Variants in KIF24 observed in about 807,000 individuals in gnomAD.
KIF24 encodes kinesin-like protein KIF24.
Under a neutral mutation model 118.9 loss-of-function variants are expected in KIF24, and 81 were observed. The observed-to-expected ratio is 0.68, with a 90% CI of 0.57 to 0.82. The LOEUF (loss-of-function observed/expected upper bound fraction) is 0.82, where lower values mean the gene tolerates loss of function less well. Ranked by LOEUF, KIF24 falls within the 40% of genes least tolerant of loss-of-function variation. KIF24 has a pLI of 0.00. For synonymous variants in KIF24, 599 were observed against 610.0 expected, an observed-to-expected ratio of 0.98 and a Z score of 0.27; for missense variants, 1,560 against 1,661.6, an observed-to-expected ratio of 0.94 and a Z score of 1.06.
At chr9:34,323,560 G>A (rs1837585416) in intron 1 of KIF24, among the ~76,000 whole-genome samples, 1 of 152,146 alleles carries the variant, frequency 6.6e-6, no homozygotes, top group Non-Finnish European at 1.5e-5. Flanking sequence ...CAGACTGCAG[G>A]ACGTTGTCAT....
intron 10 of KIF24, among the ~76,000 whole-genome samples, chr9:34,258,665 G>A (rs75723720): frequency 0.031 from 4,676 of 152,174 alleles, 239 homozygotes; most frequent in African/African-American, 0.11. Flanking sequence ...TCAGGAGTTC[G>A]TGTCCACCAC....
rs1002535978 is a variant in KIF24, at chr9:34,329,122, C to A, written c.-42G>T. On this transcript the variant is annotated 5_prime_UTR_variant, in exon 1 of 13. Coordinates refer to ENST00000402558, the MANE Select transcript of KIF24 (RefSeq NM_194313.4). ...CTTTCTCACCTCGGTCCAAACTCCT[C>A]GGTCTGCCCTGTCTGAGAAGAGGAG... Among the ~76,000 whole-genome samples, 5 of 152,242 alleles carry A rather than the reference C, an allele frequency of 3.3e-5. No homozygotes were observed. Among genetic ancestry groups the A allele is most frequent in the Admixed American group, 6.5e-5 (1 of 15,292 alleles).
chr9:34,311,089 T>C lies in KIF24; in HGVS notation c.258A>G (p.Lys86=), dbSNP rs777822775. The C allele has an allele frequency of 1.2e-6, 2 of 1,613,822 alleles. No homozygotes were observed. Among genetic ancestry groups the C allele is most frequent in the Non-Finnish European group, 1.7e-6 (2 of 1,179,758 alleles). ...GAGGGCCAGATCTTAATTCCTGAGA[T>C]TTGATGCGCAGGCTGCTTGTCTGAA... ...RHLQTSSLRI[K]SQELRSGPRR... is the part of the protein sequence containing the mutation. Residue 86 remains lysine, a synonymous_variant, in exon 2 of 13, where the codon AAA becomes AAG. Coordinates refer to ENST00000402558, the MANE Select transcript of KIF24 (RefSeq NM_194313.4).
Position 34,288,073 on chromosome 9 carries a change from C to A in KIF24, c.1128-1369G>T, listed in dbSNP as rs546725968. Among the ~76,000 whole-genome samples, 3 of 152,254 alleles carry A rather than the reference C, an allele frequency of 2.0e-5. No homozygotes were observed. In the East Asian group the frequency reaches 5.8e-4, roughly 29 times the overall value. ...GCAAGGTATAAAAACAATTTATCCT[C>A]TACTTCTAGGAATTAATTTCAAGAT... On this transcript the variant is annotated intron_variant, in intron 5 of 12. Transcript: ENST00000402558.
rs932194533 is a variant in KIF24 at position 34,264,059 on chromosome 9, G to T, written c.1444-887C>A. On this transcript the variant is annotated intron_variant, in intron 8 of 12. Transcript: ENST00000402558. ...CATCAGAAACAGTGGTGGGGGTCGT[G>T]GGGGGCAAGATGAGGGAGGAGAGAC... is the stretch of plus-strand genomic sequence containing the variant. Among the ~76,000 whole-genome samples, 6 of 151,992 alleles carry T rather than the reference G, an allele frequency of 3.9e-5. No homozygotes were observed. In the East Asian group the frequency reaches 5.8e-4, roughly 15 times the overall value.
At chr9:34,276,024 A>G (rs1344598931) in intron 6 of KIF24, among the ~76,000 whole-genome samples, 1 of 152,182 alleles carries the variant, frequency 6.6e-6, no homozygotes, top group Admixed American at 6.5e-5. Context: ...CAAATTCCAC[A>G]TCCAGTACAT....
chr9:34,271,793 G>C lies in KIF24; in HGVS notation c.1337+16C>G, dbSNP rs1835519037. The C allele has an allele frequency of 6.2e-7, 1 of 1,612,008 alleles. No individual in the cohort carries two copies. ...GGAAAGGCAGACAATGTAACTCCCTGATATTTCCAGCTCACCTGCCAAATG... is the reference window on the plus strand; with the variant it reads ...GGAAAGGCAGACAATGTAACTCCCTCATATTTCCAGCTCACCTGCCAAATG... On this transcript the variant is annotated intron_variant, in intron 7 of 12. Coordinates refer to ENST00000402558, the MANE Select transcript of KIF24 (RefSeq NM_194313.4).
intron 4 of KIF24, among the ~76,000 whole-genome samples, chr9:34,295,041 C>A (rs1211279275): frequency 6.6e-6 from 1 of 152,152 alleles, no homozygotes; most frequent in Non-Finnish European, 1.5e-5. Flanking sequence ...TTTGAAAAAA[C>A]AGTCAAAATT....
At chr9:34,328,098 G>C (rs541721747) in intron 1 of KIF24, among the ~76,000 whole-genome samples, 1 of 152,250 alleles carries the variant, frequency 6.6e-6, no homozygotes, top group South Asian at 2.1e-4. Context: ...CAACAATCAG[G>C]CTGTGAATAT....
At chr9:34,312,633 T>C (rs1285878517) in intron 1 of KIF24, among the ~76,000 whole-genome samples, 1 of 152,210 alleles carries the variant, frequency 6.6e-6, no homozygotes, top group Non-Finnish European at 1.5e-5. Context: ...GGGGAAATAC[T>C]ACTTAGGCTA....
chr9:34,313,438 T>C lies in KIF24; in HGVS notation c.-25-2067A>G, dbSNP rs1837232100. On this transcript the variant is annotated intron_variant, in intron 1 of 12. Transcript: ENST00000402558. Reference sequence around the variant, plus strand: ...CACAGCAGTAGATAACTGCAATATCTCTCTTTAAATAATAATAATTTTTTA... The same window carrying C: ...CACAGCAGTAGATAACTGCAATATCCCTCTTTAAATAATAATAATTTTTTA... Among the ~76,000 whole-genome samples, 3 of 151,976 alleles carry C rather than the reference T, an allele frequency of 2.0e-5. No individual in the cohort carries two copies. The South Asian group carries it at 6.2e-4, about 32-fold the overall frequency.
chr9:34,326,509 T>C (rs917295718), intron 1 of KIF24, among the ~76,000 whole-genome samples: 4 of 152,162 alleles, frequency 2.6e-5, no homozygotes, highest in African/African-American at 7.2e-5. Flanking sequence ...TTACTTTACA[T>C]TGGATGATCA....
intron 3 of KIF24, among the ~76,000 whole-genome samples, chr9:34,299,821 T>C (rs1031838065): frequency 6.6e-5 from 4 of 60,728 alleles, no homozygotes; most frequent in Middle Eastern, 9.8e-3. Flanking sequence ...TGTGTGTGTG[T>C]GCGTGTGTGT....
At position 34,257,934 on chromosome 9, in the gene KIF24, C is replaced by T; in HGVS notation, c.1673G>A (p.Ser558Asn). 2.5e-6 allele frequency: 4 copies of T among 1,613,836 alleles called. No homozygotes were observed. Among genetic ancestry groups the T allele is most frequent in the Non-Finnish European group, 3.4e-6 (4 of 1,179,806 alleles). Residue 558 changes from serine (S) to asparagine (N), a missense_variant, in exon 11 of 13, where the codon AGT (serine) becomes AAT (asparagine). Ser to Asn is a conservative substitution (Grantham distance 46). Around this residue, in one of 3 missense-constraint regions of KIF24, gnomAD observed 964 missense variants for 988.0 expected, o/e 0.98. Coordinates refer to ENST00000402558, the MANE Select transcript of KIF24 (RefSeq NM_194313.4). Reference protein sequence around the residue: ...KGIKCCTSVTSRNRTSGNSSP... With the variant: ...KGIKCCTSVTNRNRTSGNSSP... ...GGAGTTTCCAGATGTCCGATTTCGACTGGTAACTGAAGTGCAACACTTAAT... is the reference window on the plus strand; with the variant it reads ...GGAGTTTCCAGATGTCCGATTTCGATTGGTAACTGAAGTGCAACACTTAAT...
chr9:34,333,267 A>G (rs1837997305), upstream of KIF24, among the ~76,000 whole-genome samples: 1 of 152,080 alleles, frequency 6.6e-6, no homozygotes, highest in Non-Finnish European at 1.5e-5. Context: ...CCCCCCAACT[A>G]AAACCTTTTT....
chr9:34,319,970 TACCTTCTC>T (rs937021129), intron 1 of KIF24, among the ~76,000 whole-genome samples: 2 of 152,168 alleles, frequency 1.3e-5, no homozygotes, highest in Non-Finnish European at 2.9e-5. Flanking sequence ...TATAGCCAAG[TACCTTCTC>T]ACCTGTGAGA....
chr9:34,256,390 G>C lies in KIF24; in HGVS notation c.3217C>G (p.Gln1073Glu), dbSNP rs1834842456. 1.2e-6 allele frequency: 2 copies of C among 1,613,924 alleles called. No homozygotes were observed. The highest frequency in any genetic ancestry group is 2.7e-5 in the African/African-American group (2 of 75,054). Residue 1073 changes from glutamine (Q) to glutamate (E), a missense_variant, in exon 11 of 13, where the codon CAG becomes GAG. Physicochemically the swap from Gln to Glu is conservative, Grantham distance 29. Coordinates refer to ENST00000402558, the MANE Select transcript of KIF24 (RefSeq NM_194313.4). ...EGSPPSEQLV[Q>E]DGATHSLVAE... ...ACTAGACTGTGCGTAGCCCCATCCT[G>C]GACCAGCTGCTCCGAGGGAGGAGAC...
rs112239582 is a variant in KIF24, at chr9:34,322,583, G to A, written c.-26+6523C>T. ...AGAAACTGATACAAGGCCAGGCACTGTGGCTCATGCCTATAATCACAGCAC... is the reference window on the plus strand; with the variant it reads ...AGAAACTGATACAAGGCCAGGCACTATGGCTCATGCCTATAATCACAGCAC... On this transcript the variant is annotated intron_variant, in intron 1 of 12. Transcript: ENST00000402558. Among the ~76,000 whole-genome samples the A allele has an allele frequency of 2.1e-3, 313 of 152,266 alleles. 2 individuals carry two copies. The highest frequency in any genetic ancestry group is 6.8e-3 in the African/African-American group (283 of 41,548).
At chr9:34,255,241 C>A (rs1834779544) in intron 11 of KIF24, 76 bp from the exon 12 acceptor site, 2 of 900,820 alleles carry the variant, frequency 2.2e-6, no homozygotes, top group Non-Finnish European at 1.8e-6. Context: ...GAGGTGATCT[C>A]ATTTGTAAGC....
Sources: gnomAD v4.1 joint callset for allele counts (sites outside exome capture counted in the v4.1 genomes callset) on GRCh38, gnomAD v4.1.1 for gene constraint, gnomAD v4.1.1 regional missense constraint, MANE v1.5 for transcripts, NCBI Gene and HGNC (gene_info 2026-07-23, HGNC 2026-07-21) for gene names.